The following NBPF14 variants were observed in gnomAD, a reference collection of about 807,000 sequenced individuals.
NBPF14 encodes the protein NBPF member 14, also known as NBPF family member NBPF14.
In NBPF14, 104 loss-of-function variants were observed where a neutral mutation model predicts 91.2. The observed-to-expected ratio is 1.14, with a 90% confidence interval of 0.97 to 1.34. NBPF14 has a LOEUF of 1.34. NBPF14 is among the 40% of genes most tolerant of loss of function. The pLI, the probability that NBPF14 is intolerant of heterozygous loss-of-function variation, is 0.00. For synonymous variants in NBPF14, 294 were observed against 303.8 expected (o/e 0.97, Z 0.34); for missense variants, 908 against 783.0 (o/e 1.16, Z -1.91).
intron 36 of NBPF14, among the ~76,000 whole-genome samples, chr1:148,560,234 G>T (rs1258635427): frequency 1.3e-5 from 2 of 150,454 alleles, no homozygotes; most frequent in Non-Finnish European, 1.5e-5. Flanking sequence ...GTGACATACT[G>T]GTAAGGGAGT....
intron 49 of NBPF14, among the ~76,000 whole-genome samples, chr1:148,549,944 GC>G (rs1655982251): frequency 2.4e-5 from 2 of 81,684 alleles, no homozygotes; most frequent in African/African-American, 1.1e-4. Context: ...TAAAGCAAAT[GC>G]CCCCAAATGG....
rs1186208825 is a variant in NBPF14, at chr1:148,587,211, C to G, written c.1091+90G>C. On this transcript the variant is annotated intron_variant, in intron 8 of 70. Transcript: ENST00000619423. Reference sequence around the variant, plus strand: ...GGCAATTCCTGCCCTTCCCCTGGCCCAGCTGAGCTCTTACGTCTCCCCACT... The same window carrying G: ...GGCAATTCCTGCCCTTCCCCTGGCCGAGCTGAGCTCTTACGTCTCCCCACT... 2.6e-6 allele frequency: 3 copies of G among 1,145,026 alleles called. No individual in the cohort carries two copies. In the African/African-American group the frequency reaches 4.5e-5, roughly 17 times the overall value. The allele number at this position is 1,145,026 out of a possible 1,614,324, so 70.9% of individuals were successfully genotyped here. A position where few individuals can be genotyped will look rare whatever the true frequency, so the allele number is the denominator to read the frequency against.
chr1:148,534,277 T>C (rs1274676885), intron 69 of NBPF14, among the ~76,000 whole-genome samples: 4 of 151,798 alleles, frequency 2.6e-5, no homozygotes, highest in South Asian at 2.1e-4. Flanking sequence ...CAATGATTTC[T>C]AGGAGAAAAA....
intron 17 of NBPF14, 119 bp downstream of exon 17, chr1:148,575,520 A>G: frequency 1.1e-5 from 1 of 92,124 alleles, no homozygotes; most frequent in Non-Finnish European, 1.8e-5. Flanking sequence ...ATATGCGCCC[A>G]TAGGTCCTGC....
chr1:148,559,500 G>T (rs1299098901), intron 37 of NBPF14, among the ~76,000 whole-genome samples: 2 of 125,824 alleles, frequency 1.6e-5, no homozygotes, highest in South Asian at 2.8e-4. Context: ...CTACAAAATT[G>T]AGACAAAATC....
chr1:148,534,962 G>C (rs1654780054), intron 68 of NBPF14, 106 bp from the exon 69 acceptor site: 2 of 741,192 alleles, frequency 2.7e-6, no homozygotes, highest in Non-Finnish European at 4.9e-6. Flanking sequence ...AAAGAAAAAG[G>C]ACAGATCCAT....
In NBPF14 at chr1:148,592,797, G is replaced by C. The variant is rs1194756912; in HGVS notation, c.279-31C>G. 9.6e-6 allele frequency: 14 copies of C among 1,459,042 alleles called. 1 individual carries two copies. The highest frequency in any genetic ancestry group is 2.3e-5 in the East Asian group (1 of 44,090). The allele number at this position is 1,459,042 out of a possible 1,614,324, so 90.4% of individuals were successfully genotyped here. On this transcript the variant is annotated intron_variant, in intron 3 of 70. Coordinates refer to ENST00000619423, the Ensembl canonical transcript of NBPF14. ...GTGAGACGGTAGAGAAAATTTAAGAGTAGAAAGGGTTGAGTGATCCGTTCA... is the reference window on the plus strand; with the variant it reads ...GTGAGACGGTAGAGAAAATTTAAGACTAGAAAGGGTTGAGTGATCCGTTCA...
chr1:148,572,636 A>G (rs1249707138), intron 20 of NBPF14, 21 bp from the exon 21 acceptor site: 1 of 606,510 alleles, frequency 1.6e-6, no homozygotes. Context: ...GGGAAAAAGT[A>G]AAGAATAAGC....
intron 58 of NBPF14, among the ~76,000 whole-genome samples, chr1:148,542,961 CA>C (rs1319583453): frequency 9.2e-4 from 15 of 16,326 alleles, no homozygotes; most frequent in African/African-American, 3.7e-3. Context: ...CACACACACA[CA>C]GAGAGAGAGA....
At chr1:148,567,662 CT>C in intron 27 of NBPF14, 50 bp downstream of exon 27, 1 of 127,020 alleles carries the variant, frequency 7.9e-6, no homozygotes, top group South Asian at 3.2e-5. Context: ...AATATCACCC[CT>C]ATCTGGAAGA....
chr1:148,587,365 T>C lies in NBPF14; in HGVS notation c.1027A>G (p.Arg343Gly), dbSNP rs1409528919. Residue 343 changes from arginine (R) to glycine (G), a missense_variant, in exon 8 of 71, where the codon AGG becomes GGG. Arg to Gly is a moderately radical substitution (Grantham distance 125). Coordinates refer to ENST00000619423, the Ensembl canonical transcript of NBPF14. ...TCCTCCTTGAACTGTCGCTCATTCC[T>C]CAGCATAAATTTTATGAGGTCTTTG... 1.9e-6 allele frequency: 3 copies of C among 1,582,858 alleles called. No homozygotes were observed. The African/African-American group carries it at 4.1e-5, about 22-fold the overall frequency.
At chr1:148,560,016 C>A in intron 36 of NBPF14, 51 bp from the exon 37 acceptor site, 1 of 755,000 alleles carries the variant, frequency 1.3e-6, no homozygotes, top group Non-Finnish European at 2.3e-6. Flanking sequence ...TCAGAAACCA[C>A]ACAGCCCCAG....
chr1:148,590,379 A>T lies in NBPF14; in HGVS notation c.778+378T>A, dbSNP rs1281961745. 1.0e-3 allele frequency among the ~76,000 whole-genome samples: 146 copies of T among 141,792 alleles called. 1 individual carries two copies. The highest frequency in any genetic ancestry group is 3.4e-3 in the African/African-American group (136 of 39,448). The allele number at this position is 141,792 out of a possible 152,430, so 93.0% of individuals were successfully genotyped here. ...GCCGAGACTTATTAATAGCTAAGACAAGCCAATGAAAAGGAGAGAGAGTCT... is the reference window on the plus strand; with the variant it reads ...GCCGAGACTTATTAATAGCTAAGACTAGCCAATGAAAAGGAGAGAGAGTCT... On this transcript the variant is annotated intron_variant, in intron 6 of 70. Transcript: ENST00000619423.
rs1223565737 is a variant in NBPF14 at position 148,532,385 on chromosome 1, G to C, written c.*620C>G. On this transcript the variant is annotated 3_prime_UTR_variant, in exon 71 of 71. Coordinates refer to ENST00000619423, the Ensembl canonical transcript of NBPF14. ...ATGGAATAGAGAGGAGCAGGGCTAA[G>C]GCCTCCCAATGCTGTTTGTCCATCT... is the stretch of plus-strand genomic sequence containing the variant. 19 of 164,068 alleles carry C rather than the reference G, an allele frequency of 1.2e-4. 1 individual carries two copies. Among genetic ancestry groups the C allele is most frequent in the African/African-American group, 4.4e-4 (18 of 41,286 alleles). 10.2% of individuals were successfully genotyped at this position (164,068 alleles called of 1,614,324 possible). A position where few individuals can be genotyped will look rare whatever the true frequency, so the allele number is the denominator to read the frequency against.
chr1:148,557,800 C>T (rs1656947707), intron 39 of NBPF14, among the ~76,000 whole-genome samples: 1 of 111,162 alleles, frequency 9.0e-6, no homozygotes, highest in Non-Finnish European at 1.7e-5. Context: ...AACAGTTATG[C>T]TTTATTGTTC....
intron 2 of NBPF14, 124 bp downstream of exon 2, chr1:148,595,419 A>G: frequency 7.9e-7 from 1 of 1,261,678 alleles, no homozygotes; most frequent in Non-Finnish European, 1.1e-6. Context: ...TAAAATACCC[A>G]TTTCTGTTTT....
chr1:148,566,593 A>C (rs1467732381), intron 28 of NBPF14, among the ~76,000 whole-genome samples: 1 of 142,574 alleles, frequency 7.0e-6, no homozygotes, highest in Non-Finnish European at 1.6e-5. Context: ...CAGGTGACAC[A>C]CTGATGAGGG....
chr1:148,559,594 G>C lies in NBPF14; in HGVS notation c.4729+199C>G, dbSNP rs1241929837. Among the ~76,000 whole-genome samples the C allele has an allele frequency of 1.7e-3, 210 of 123,784 alleles. 21 individuals carry two copies. Among genetic ancestry groups the C allele is most frequent in the South Asian group, 4.4e-3 (15 of 3,408 alleles). The allele number at this position is 123,784 out of a possible 152,430, so 81.2% of individuals were successfully genotyped here. On this transcript the variant is annotated intron_variant, in intron 37 of 70. Coordinates refer to ENST00000619423, the Ensembl canonical transcript of NBPF14. ...GCGCCACAGGCATGGCCTGAGACTA[G>C]GAAGAGAGCCTTGCTCACTGACCCA...
chr1:148,593,823 C>T lies in NBPF14; in HGVS notation c.176-123G>A, dbSNP rs1217835142. On this transcript the variant is annotated intron_variant, in intron 2 of 70. Transcript: ENST00000619423. Reference sequence around the variant, plus strand: ...ACTCTCCCCAGTACCACGGTCTAGACAGGGATTTCCACATCTTTACTCTTC... The same window carrying T: ...ACTCTCCCCAGTACCACGGTCTAGATAGGGATTTCCACATCTTTACTCTTC... 4.3e-6 allele frequency: 4 copies of T among 928,976 alleles called. No individual in the cohort carries two copies. In the African/African-American group the frequency reaches 7.2e-5, roughly 17 times the overall value. The allele number at this position is 928,976 out of a possible 1,614,324, so 57.5% of individuals were successfully genotyped here. A position where few individuals can be genotyped will look rare whatever the true frequency, so the allele number is the denominator to read the frequency against.
Sources: gnomAD v4.1 joint callset for allele counts (sites outside exome capture counted in the v4.1 genomes callset) on GRCh38, gnomAD v4.1.1 for gene constraint, MANE v1.5 for transcripts, NCBI Gene and HGNC (gene_info 2026-07-23, HGNC 2026-07-21) for gene names.